The following HS6ST3 variants were observed in gnomAD, a reference collection of about 807,000 sequenced individuals.
The protein encoded by HS6ST3 is heparan sulfate 6-O-sulfotransferase 3.
Under a neutral mutation model 36.7 loss-of-function variants are expected in HS6ST3, and 12 were observed. That is an observed-to-expected ratio of 0.33 (90% CI 0.21 to 0.53). The LOEUF is 0.53. Ranked by LOEUF, HS6ST3 falls within the 20% of genes least tolerant of loss-of-function variation. HS6ST3 has a pLI of 0.95. For synonymous variants in HS6ST3, 240 were observed against 257.5 expected (o/e 0.93, Z 0.65); for missense variants, 584 against 640.9 (o/e 0.91, Z 0.96).
In HS6ST3 at chr13:96,133,886, C is replaced by A. The variant is rs946601218; in HGVS notation, c.707+42317C>A. Among the ~76,000 whole-genome samples the A allele has an allele frequency of 1.2e-3, 178 of 147,148 alleles. 1 individual carries two copies. The highest frequency in any genetic ancestry group is 4.3e-3 in the African/African-American group (172 of 39,892). On this transcript the variant is annotated intron_variant, in intron 1 of 1. Coordinates refer to ENST00000376705, the MANE Select transcript of HS6ST3 (RefSeq NM_153456.4). ...AGTAGTTTTACAGTTTCAGGTCTTA[C>A]ATTTAAGTCTTTAATCCATTTTGAG...
chr13:96,157,531 T>C (rs1304310745), intron 1 of HS6ST3, among the ~76,000 whole-genome samples: 1 of 152,182 alleles, frequency 6.6e-6, no homozygotes, highest in African/African-American at 2.4e-5. Context: ...AGATAATTTG[T>C]CATTTTGGAC....
At chr13:96,116,185 C>G (rs527776520) in intron 1 of HS6ST3, among the ~76,000 whole-genome samples, 1 of 152,196 alleles carries the variant, frequency 6.6e-6, no homozygotes, top group African/African-American at 2.4e-5. Context: ...CAGGAATTAG[C>G]TCTCCTTCAA....
At chr13:96,232,290 GAGAA>G (rs201541532) in intron 1 of HS6ST3, among the ~76,000 whole-genome samples, 2,466 of 152,288 alleles carry the variant, frequency 0.016, 46 homozygotes, top group South Asian at 0.049. Context: ...TTGAGGATCA[GAGAA>G]AGACAAATGT....
chr13:96,149,359 T>C (rs761001960), intron 1 of HS6ST3, among the ~76,000 whole-genome samples: 2 of 152,218 alleles, frequency 1.3e-5, no homozygotes, highest in Non-Finnish European at 2.9e-5. Context: ...ATGATCATTT[T>C]TGTAATGTCT....
chr13:96,598,216 A>G (rs775230058), intron 1 of HS6ST3, among the ~76,000 whole-genome samples: 1 of 152,032 alleles, frequency 6.6e-6, no homozygotes, highest in African/African-American at 2.4e-5. Flanking sequence ...AAAATGATCT[A>G]TCTGGGTATT....
At chr13:96,317,407 T>A (rs2054981243) in intron 1 of HS6ST3, among the ~76,000 whole-genome samples, 1 of 143,656 alleles carries the variant, frequency 7.0e-6, no homozygotes, top group African/African-American at 2.5e-5. Context: ...ATGGAATATA[T>A]ATATATATAT....
At chr13:96,416,374 A>G (rs1473096430) in intron 1 of HS6ST3, among the ~76,000 whole-genome samples, 3 of 152,230 alleles carry the variant, frequency 2.0e-5, no homozygotes, top group Non-Finnish European at 4.4e-5. Context: ...GTAATATCCC[A>G]TTAGTCTAAT....
chr13:96,101,324 A>C (rs918930632), intron 1 of HS6ST3, among the ~76,000 whole-genome samples: 1 of 152,170 alleles, frequency 6.6e-6, no homozygotes, highest in South Asian at 2.1e-4. Flanking sequence ...AGTAATATTT[A>C]TGAGCTTTAA....
At chr13:96,818,957 G>A (rs1878477102) in intron 1 of HS6ST3, among the ~76,000 whole-genome samples, 1 of 152,202 alleles carries the variant, frequency 6.6e-6, no homozygotes. Flanking sequence ...CATGACTACA[G>A]TGTGTTGAAA....
rs1010466440 is a variant in HS6ST3, at chr13:96,839,196, A to G, written c.*5998A>G. On this transcript the variant is annotated 3_prime_UTR_variant, in exon 2 of 2. Transcript: ENST00000376705. Reference sequence around the variant, plus strand: ...TCCTTGACATTTATTTGTTAATCATATGATCATTTTTTTTTCACTTTCCTT... The same window carrying G: ...TCCTTGACATTTATTTGTTAATCATGTGATCATTTTTTTTTCACTTTCCTT... The G allele has an allele frequency of 1.3e-5, 2 of 152,134 alleles. No individual in the cohort carries two copies. The highest frequency in any genetic ancestry group is 4.8e-5 in the African/African-American group (2 of 41,414). 9.4% of individuals were successfully genotyped at this position (152,134 alleles called of 1,614,324 possible). A position where few individuals can be genotyped will look rare whatever the true frequency, so the allele number is the denominator to read the frequency against.
At chr13:96,631,630 T>C (rs888602147) in intron 1 of HS6ST3, among the ~76,000 whole-genome samples, 1 of 152,210 alleles carries the variant, frequency 6.6e-6, no homozygotes, top group Non-Finnish European at 1.5e-5. Flanking sequence ...TCTACTGATA[T>C]CCCAGACATG....
At chr13:96,697,205 T>C (rs1875153539) in intron 1 of HS6ST3, among the ~76,000 whole-genome samples, 4 of 152,032 alleles carry the variant, frequency 2.6e-5, no homozygotes, top group Admixed American at 2.0e-4. Context: ...GTATATGTTA[T>C]GTATATTTGT....
intron 1 of HS6ST3, among the ~76,000 whole-genome samples, chr13:96,198,366 T>C (rs1325858277): frequency 1.3e-5 from 2 of 152,348 alleles, no homozygotes; most frequent in East Asian, 3.9e-4. Context: ...AATAAGCTCC[T>C]TGCTACTTAG....
chr13:96,468,477 T>TACACACAC (rs3051066), intron 1 of HS6ST3, among the ~76,000 whole-genome samples: 3 of 126,384 alleles, frequency 2.4e-5, no homozygotes, highest in African/African-American at 7.6e-5. Context: ...CATACACACA[T>TACACACAC]ACACACACAC....
intron 1 of HS6ST3, among the ~76,000 whole-genome samples, chr13:96,622,905 C>G (rs1481365989): frequency 6.6e-6 from 1 of 152,018 alleles, no homozygotes; most frequent in Non-Finnish European, 1.5e-5. Context: ...TCTAGACATT[C>G]CAGGTGGTTA....
intron 1 of HS6ST3, among the ~76,000 whole-genome samples, chr13:96,634,831 T>A (rs564177824): frequency 2.0e-5 from 3 of 152,296 alleles, no homozygotes; most frequent in Admixed American, 2.0e-4. Context: ...CAATGAGTTA[T>A]TCATGGAAAA....
At chr13:96,417,110 G>C (rs1188344840) in intron 1 of HS6ST3, among the ~76,000 whole-genome samples, 1 of 152,180 alleles carries the variant, frequency 6.6e-6, no homozygotes, top group Non-Finnish European at 1.5e-5. Flanking sequence ...AGGGACATTG[G>C]AAGAATTATT....
At chr13:96,814,061 A>T (rs181754817) in intron 1 of HS6ST3, among the ~76,000 whole-genome samples, 2 of 152,122 alleles carry the variant, frequency 1.3e-5, no homozygotes, top group African/African-American at 4.8e-5. Context: ...AAGGTGAAAA[A>T]TTTGCTCTCC....
chr13:96,157,683 CTT>C (rs2054116529), intron 1 of HS6ST3, among the ~76,000 whole-genome samples: 2 of 152,170 alleles, frequency 1.3e-5, no homozygotes, highest in South Asian at 4.2e-4. Context: ...TGTGAAAACA[CTT>C]ATTTCAGGAA....
Sources: allele counts gnomAD v4.1 joint callset (sites outside exome capture counted in the v4.1 genomes callset), GRCh38; gene constraint gnomAD v4.1.1; transcripts MANE v1.5; gene names NCBI Gene and HGNC (gene_info 2026-07-23, HGNC 2026-07-21).